RELN: variants seen among roughly 807,000 people sequenced by gnomAD.
The protein encoded by RELN is reelin.
In RELN, 108 loss-of-function variants were observed where a neutral mutation model predicts 427.6. That is an observed-to-expected ratio of 0.25 (90% CI 0.22 to 0.30). The LOEUF (loss-of-function observed/expected upper bound fraction) is 0.30, where lower values mean the gene tolerates loss of function less well. Among genes scored for constraint, RELN ranks in the 10% least tolerant of loss-of-function variants. The probability of loss-of-function intolerance (pLI) is 1.00; values close to 1 mark genes in which losing one functional copy is unlikely to be tolerated. For synonymous variants in RELN, 1,524 were observed against 1,513.4 expected (o/e 1.01, Z -0.16); for missense variants, 3,715 against 4,302.8 (o/e 0.86, Z 3.82).
chr7:103,566,316 T>A lies in RELN; in HGVS notation c.4844A>T (p.Asp1615Val). The A allele has an allele frequency of 6.2e-7, 1 of 1,614,050 alleles. No individual in the cohort carries two copies. Among genetic ancestry groups the A allele is most frequent in the Non-Finnish European group, 8.5e-7 (1 of 1,179,974 alleles). Reference sequence around the variant, plus strand: ...GATTCGATACCAGTTGGCTTGCAAATCTATAGAGCCATCAAATTTGTCTTG... The same window carrying A: ...GATTCGATACCAGTTGGCTTGCAAAACTATAGAGCCATCAAATTTGTCTTG... ...GFQDKFDGSI[D>V]LQANWYRIQG... is the part of the protein sequence containing the mutation. The change falls in exon 33 of 65, where the codon GAT becomes GTT. Residue 1615 changes from aspartate (D) to valine (V), a missense_variant. Coordinates refer to ENST00000428762, the MANE Select transcript of RELN (RefSeq NM_005045.4).
intron 20 of RELN, among the ~76,000 whole-genome samples, chr7:103,623,148 T>C (rs1379029701): frequency 6.6e-6 from 1 of 152,216 alleles, no homozygotes; most frequent in East Asian, 1.9e-4. Flanking sequence ...TAATAGGAAG[T>C]GACTTTTCCA....
chr7:103,981,199 G>A (rs1300563545), intron 1 of RELN, among the ~76,000 whole-genome samples: 3 of 152,180 alleles, frequency 2.0e-5, no homozygotes, highest in Admixed American at 6.5e-5. Context: ...CATGTCACAC[G>A]TCTAGATGTT....
intron 6 of RELN, among the ~76,000 whole-genome samples, chr7:103,741,957 C>A (rs539384605): frequency 2.0e-5 from 3 of 152,132 alleles, no homozygotes; most frequent in Middle Eastern, 3.2e-3. Flanking sequence ...TGAGAACGGG[C>A]AGACTGACTC....
intron 20 of RELN, among the ~76,000 whole-genome samples, chr7:103,618,171 T>C (rs1343256717): frequency 2.6e-5 from 4 of 152,252 alleles, no homozygotes; most frequent in Admixed American, 6.5e-5. Flanking sequence ...CACTTATTTT[T>C]TGTTTGCTTG....
rs745955015 is a variant in RELN at position 103,708,464 on chromosome 7, C to CTTTTTTT, written c.806-7465_806-7459dup. ...CACCCAAACACCAGTGGGTATGACT[C>CTTTTTTT]TTTTTTTTTTTTTTTTTGAGACGGA... On this transcript the variant is annotated intron_variant, in intron 8 of 64. Coordinates refer to ENST00000428762, the MANE Select transcript of RELN (RefSeq NM_005045.4). Among the ~76,000 whole-genome samples the CTTTTTTT allele has an allele frequency of 8.2e-5, 9 of 110,040 alleles. 1 individual carries two copies. Among genetic ancestry groups the CTTTTTTT allele is most frequent in the African/African-American group, 2.2e-4 (5 of 22,602 alleles). 72.2% of individuals were successfully genotyped at this position (110,040 alleles called of 152,430 possible). A position where few individuals can be genotyped will look rare whatever the true frequency, so the allele number is the denominator to read the frequency against.
At chr7:103,533,091 A>G (rs1312365296) in intron 46 of RELN, among the ~76,000 whole-genome samples, 4 of 152,218 alleles carry the variant, frequency 2.6e-5, no homozygotes, top group African/African-American at 7.2e-5. Context: ...TTTGACGTCA[A>G]TTTGTGACCA....
intron 3 of RELN, among the ~76,000 whole-genome samples, chr7:103,828,549 T>A (rs1441266049): frequency 6.6e-6 from 1 of 151,708 alleles, no homozygotes; most frequent in South Asian, 2.1e-4. Flanking sequence ...GATCTTCTTT[T>A]ATGTTCCATT....
chr7:103,918,625 T>C (rs1428549744), intron 1 of RELN, among the ~76,000 whole-genome samples: 1 of 152,158 alleles, frequency 6.6e-6, no homozygotes, highest in Non-Finnish European at 1.5e-5. Context: ...ATGGTACTCT[T>C]AGGTGCTCAA....
chr7:103,906,575 A>AT (rs1795210270), intron 2 of RELN, among the ~76,000 whole-genome samples: 1 of 152,020 alleles, frequency 6.6e-6, no homozygotes, highest in Non-Finnish European at 1.5e-5. Flanking sequence ...GATTCCTCTG[A>AT]GCCGTTATAG....
intron 5 of RELN, among the ~76,000 whole-genome samples, chr7:103,749,847 C>T (rs1249418804): frequency 6.6e-6 from 1 of 152,220 alleles, no homozygotes; most frequent in Admixed American, 6.5e-5. Context: ...TGTGTCCCTA[C>T]CCAAATTCCA....
At chr7:103,883,388 T>A (rs1189320492) in intron 2 of RELN, among the ~76,000 whole-genome samples, 1 of 152,172 alleles carries the variant, frequency 6.6e-6, no homozygotes, top group Non-Finnish European at 1.5e-5. Flanking sequence ...AAGGATGCCC[T>A]CTCTCACCAC....
chr7:103,781,280 A>G (rs1165903860), intron 3 of RELN, among the ~76,000 whole-genome samples: 1 of 152,134 alleles, frequency 6.6e-6, no homozygotes, highest in African/African-American at 2.4e-5. Flanking sequence ...CAAATAATTC[A>G]TGGTGGTTTA....
At chr7:103,691,294 C>T (rs1218756966) in intron 10 of RELN, among the ~76,000 whole-genome samples, 1 of 152,056 alleles carries the variant, frequency 6.6e-6, no homozygotes, top group Admixed American at 6.6e-5. Flanking sequence ...TTGAGATAAA[C>T]AAGAATAGGC....
At chr7:103,843,101 T>C (rs1048354111) in intron 2 of RELN, among the ~76,000 whole-genome samples, 9 of 152,144 alleles carry the variant, frequency 5.9e-5, no homozygotes, top group Admixed American at 2.6e-4. Context: ...AGGATGATAA[T>C]AATAGGGTAG....
intron 3 of RELN, among the ~76,000 whole-genome samples, chr7:103,803,655 A>T (rs904780333): frequency 6.6e-6 from 1 of 152,138 alleles, no homozygotes; most frequent in African/African-American, 2.4e-5. Flanking sequence ...TTATATACTC[A>T]GCTTCTAAGG....
Position 103,652,661 on chromosome 7 carries a change from A to T in RELN, c.1653T>A (p.Asn551Lys), listed in dbSNP as rs1417611613. Reference sequence around the variant, plus strand: ...CATGGAAAAAGTCTACAGCCCAGACATTCCTATTATGTCCTTGATGGTTCT... The same window carrying T: ...CATGGAAAAAGTCTACAGCCCAGACTTTCCTATTATGTCCTTGATGGTTCT... Reference protein sequence around the residue: ...RQKNHQGHNRNVWAVDFFHVL... With the variant: ...RQKNHQGHNRKVWAVDFFHVL... The change falls in exon 14 of 65, where the codon AAT (asparagine) becomes AAA (lysine). Residue 551 changes from asparagine (N) to lysine (K), a missense_variant. Physicochemically the swap from Asn to Lys is moderately conservative, Grantham distance 94. Transcript: ENST00000428762. 2 of 1,612,898 alleles carry T rather than the reference A, an allele frequency of 1.2e-6. No homozygotes were observed. The highest frequency in any genetic ancestry group is 1.7e-6 in the Non-Finnish European group (2 of 1,179,310).
At chr7:103,514,086 C>T (rs532393648) in intron 50 of RELN, 17 of 152,186 alleles carry the variant, frequency 1.1e-4, no homozygotes, top group African/African-American at 4.1e-4. Flanking sequence ...TAAAAATGAA[C>T]CAGACTGTCT....
chr7:103,473,291 A>C (rs1037085572), intron 64 of RELN, among the ~76,000 whole-genome samples: 1 of 152,234 alleles, frequency 6.6e-6, no homozygotes, highest in Admixed American at 6.5e-5. Context: ...CCTTATTTAA[A>C]TATATCTTTA....
chr7:103,872,781 T>G (rs1416505730), intron 2 of RELN, among the ~76,000 whole-genome samples: 1 of 149,450 alleles, frequency 6.7e-6, no homozygotes, highest in East Asian at 2.1e-4. Flanking sequence ...TGGTATCTCA[T>G]AGTGGTTTTG....
Sources: gnomAD v4.1 joint callset for allele counts (sites outside exome capture counted in the v4.1 genomes callset) on GRCh38, gnomAD v4.1.1 for gene constraint, MANE v1.5 for transcripts, NCBI Gene and HGNC (gene_info 2026-07-23, HGNC 2026-07-21) for gene names.